RAB17: variants seen among roughly 807,000 people sequenced by gnomAD.
The protein encoded by RAB17 is ras-related protein Rab-17.
In RAB17, 15 loss-of-function variants were observed where a neutral mutation model predicts 19.3. The ratio of observed to expected loss-of-function variants is 0.78; its 90% CI spans 0.52 to 1.20. The LOEUF (loss-of-function observed/expected upper bound fraction) is 1.20. Ranked by LOEUF, RAB17 falls within the 50% of genes most tolerant of loss-of-function variation. RAB17 has a pLI of 0.00. For missense variants in RAB17, 262 were observed against 269.3 expected (o/e 0.97, Z 0.19); for synonymous variants, 110 against 112.8 (o/e 0.97, Z 0.16).
intron 5 of RAB17, 121 bp from the exon 6 acceptor site, chr2:237,575,249 G>C: frequency 1.9e-6 from 2 of 1,034,082 alleles, no homozygotes; most frequent in Non-Finnish European, 2.9e-6. Flanking sequence ...ATAGAACAAG[G>C]GCCTCCTGCC....
intron 5 of RAB17, 91 bp from the exon 6 acceptor site, chr2:237,575,219 T>G: frequency 8.8e-7 from 1 of 1,139,424 alleles, no homozygotes; most frequent in Non-Finnish European, 1.3e-6. Context: ...GACCCGCCCC[T>G]CCTGTGTTTA....
chr2:237,588,528 C>T (rs541307292), intron 1 of RAB17, among the ~76,000 whole-genome samples: 11 of 152,186 alleles, frequency 7.2e-5, no homozygotes, highest in African/African-American at 2.2e-4. Flanking sequence ...GGTCAAGGCA[C>T]GGCCCAGACT....
Position 237,578,285 on chromosome 2 carries a change from C to T in RAB17, c.158-130G>A, listed in dbSNP as rs115723518. On this transcript the variant is annotated intron_variant, in intron 2 of 5. Coordinates refer to ENST00000264601, the MANE Select transcript of RAB17 (RefSeq NM_022449.4). Reference sequence around the variant, plus strand: ...CAGCTGGCCATGCATCTCCCACGCCCGCATGGCCAGGAGGTTGAGCAAACA... The same window carrying T: ...CAGCTGGCCATGCATCTCCCACGCCTGCATGGCCAGGAGGTTGAGCAAACA... The T allele has an allele frequency of 2.6e-3, 2,256 of 859,126 alleles. 18 individuals are homozygous for T. The highest frequency in any genetic ancestry group is 0.024 in the African/African-American group (1,443 of 58,950). The allele number at this position is 859,126 out of a possible 1,614,324, so 53.2% of individuals were successfully genotyped here.
Position 237,586,107 on chromosome 2 carries a change from C to T in RAB17, c.48G>A (p.Gln16=). The T allele has an allele frequency of 6.2e-7, 1 of 1,612,538 alleles. No homozygotes were observed. The highest frequency in any genetic ancestry group is 8.5e-7 in the Non-Finnish European group (1 of 1,179,256). ...GGAGAACCAGCTTGAACACACGGGG[C>T]TGGCTGGGGGCAGCCCTGGGCTGGG... is the stretch of plus-strand genomic sequence containing the variant. ...RTPQPRAAPS[Q]PRVFKLVLLG... The change falls in exon 2 of 6, where the codon CAG becomes CAA. Residue 16 remains glutamine (Q), a synonymous_variant. Coordinates refer to ENST00000264601, the MANE Select transcript of RAB17 (RefSeq NM_022449.4).
At chr2:237,585,439 C>T (rs1382943969) in intron 2 of RAB17, 1 of 169,274 alleles carries the variant, frequency 5.9e-6, no homozygotes, top group African/African-American at 2.4e-5. Flanking sequence ...TCCTGAGCTT[C>T]ATGACAGGTT....
Position 237,574,431 on chromosome 2 carries a change from G to T in RAB17, c.*588C>A. On this transcript the variant is annotated 3_prime_UTR_variant, in exon 6 of 6. Coordinates refer to ENST00000264601, the MANE Select transcript of RAB17 (RefSeq NM_022449.4). ...TTCCTGCTCATTGGACAGAAACTCA[G>T]CTTCACCACATTGCCAGCCGGGAGA... 6.5e-7 allele frequency: 1 copy of T among 1,549,396 alleles called. No individual in the cohort carries two copies. Among genetic ancestry groups the T allele is most frequent in the Middle Eastern group, 1.7e-4 (1 of 5,990 alleles).
At chr2:237,589,607 CAAT>C (rs71878399) in intron 1 of RAB17, among the ~76,000 whole-genome samples, 28,768 of 151,992 alleles carry the variant, frequency 0.19, 5,140 homozygotes, top group African/African-American at 0.47. Flanking sequence ...TGTAAGCTTT[CAAT>C]AATGAGAGGT....
intron 4 of RAB17, among the ~76,000 whole-genome samples, chr2:237,577,016 C>CTGTGTGTGTGTGCG (rs1189634548): frequency 1.3e-5 from 2 of 151,960 alleles, no homozygotes; most frequent in African/African-American, 2.4e-5. Flanking sequence ...AGGTGGAAAG[C>CTGTGTGTGTGTGCG]TGTGTGTGTG....
At position 237,586,123 on chromosome 2, in the gene RAB17, C is replaced by T. The variant is rs1574937743; in HGVS notation, c.32G>A (p.Arg11Lys). The change falls in exon 2 of 6, where the codon AGG (arginine) becomes AAG (lysine). Residue 11 changes from arginine (R) to lysine (K), a missense_variant. Transcript: ENST00000264601. The stretch of plus-strand genomic sequence containing the variant: ...CACACGGGGCTGGCTGGGGGCAGCC[C>T]TGGGCTGGGGGGTCCTGTGTGCCTG... MAQAHRTPQP[R>K]AAPSQPRVFK... The T allele has an allele frequency of 6.2e-7, 1 of 1,610,324 alleles. No homozygotes were observed. Among genetic ancestry groups the T allele is most frequent in the East Asian group, 2.2e-5 (1 of 44,638 alleles).
At chr2:237,588,241 A>G (rs13387687) in intron 1 of RAB17, among the ~76,000 whole-genome samples, 39,857 of 152,062 alleles carry the variant, frequency 0.26, 6,892 homozygotes, top group African/African-American at 0.5. Context: ...CGTCTTGCAC[A>G]TCCACAAGCC....
At chr2:237,590,406 GAC>G (rs113616450) in intron 1 of RAB17, 59 bp downstream of exon 1, 6 of 151,696 alleles carry the variant, frequency 4.0e-5, no homozygotes, top group Non-Finnish European at 7.3e-5. Flanking sequence ...GAGAAGCAGA[GAC>G]ACACACACAC....
At chr2:237,575,728 G>A (rs1559393398) in intron 4 of RAB17, 1 of 500,970 alleles carries the variant, frequency 2.0e-6, no homozygotes, top group Non-Finnish European at 3.6e-6. Flanking sequence ...TGCAGGGCCT[G>A]GAAAGCCAAG....
chr2:237,590,346 T>C (rs1253452734), intron 1 of RAB17, 121 bp downstream of exon 1: 2 of 152,068 alleles, frequency 1.3e-5, no homozygotes, highest in African/African-American at 4.8e-5. Context: ...AATACAGACA[T>C]GGGTACAAAC....
intron 2 of RAB17, among the ~76,000 whole-genome samples, chr2:237,584,466 C>A (rs543601747): frequency 3.9e-5 from 6 of 152,284 alleles, no homozygotes; most frequent in South Asian, 4.1e-4. Flanking sequence ...ACCACTCAAC[C>A]CTGCTGCCAT....
intron 3 of RAB17, 142 bp from the exon 4 acceptor site, chr2:237,577,524 G>T: frequency 1.0e-6 from 1 of 958,534 alleles, no homozygotes; most frequent in Non-Finnish European, 1.5e-6. Flanking sequence ...CTGCAGGGCT[G>T]CTCCGTTCCT....
At chr2:237,578,408 C>G in intron 2 of RAB17, 1 of 405,882 alleles carries the variant, frequency 2.5e-6, no homozygotes, top group Non-Finnish European at 4.4e-6. Context: ...ATAAATCTCT[C>G]CAGGACCTAA....
At chr2:237,582,163 C>T (rs2081314015) in intron 2 of RAB17, among the ~76,000 whole-genome samples, 1 of 152,250 alleles carries the variant, frequency 6.6e-6, no homozygotes, top group Admixed American at 6.5e-5. Flanking sequence ...GTTGGCTTTC[C>T]AGCTTCAGGG....
intron 4 of RAB17, 42 bp from the exon 5 acceptor site, chr2:237,575,522 A>G (rs1163081348): frequency 1.4e-6 from 2 of 1,462,124 alleles, no homozygotes; most frequent in African/African-American, 2.8e-5. Flanking sequence ...TTTATAAGAG[A>G]GTTTCCTAAG....
chr2:237,587,813 G>A (rs1347521129), intron 1 of RAB17, among the ~76,000 whole-genome samples: 1 of 145,402 alleles, frequency 6.9e-6, no homozygotes, highest in Non-Finnish European at 1.5e-5. Flanking sequence ...ATAACATTAA[G>A]TTTTCCATCT....
Sources: gnomAD v4.1 joint callset for allele counts (sites outside exome capture counted in the v4.1 genomes callset) on GRCh38, gnomAD v4.1.1 for gene constraint, MANE v1.5 for transcripts, NCBI Gene and HGNC (gene_info 2026-07-23, HGNC 2026-07-21) for gene names.